Variants in ZNF365 observed in about 807,000 individuals in gnomAD.
ZNF365 encodes the protein zinc finger protein 365.
Under a neutral mutation model 35.0 loss-of-function variants are expected in ZNF365, and 22 were observed. That is an observed-to-expected ratio of 0.63 (90% CI 0.45 to 0.90). The LOEUF is 0.90. ZNF365 is among the 40% of genes least tolerant of loss of function. The probability of loss-of-function intolerance (pLI) is 0.00; values close to 1 mark genes in which losing one functional copy is unlikely to be tolerated. For missense variants in ZNF365, 448 were observed against 500.3 expected (o/e 0.90, Z 1.00); for synonymous variants, 188 against 196.2 (o/e 0.96, Z 0.35).
At chr10:62,423,215 TA>T (rs5785526) in intron 3 of ZNF365, among the ~76,000 whole-genome samples, 7 of 150,016 alleles carry the variant, frequency 4.7e-5, no homozygotes, top group African/African-American at 9.8e-5. Flanking sequence ...AATAGAAACT[TA>T]AAAAAAAAAC....
intron 3 of ZNF365, among the ~76,000 whole-genome samples, chr10:62,408,230 A>G (rs973285571): frequency 6.6e-6 from 1 of 152,108 alleles, no homozygotes; most frequent in African/African-American, 2.4e-5. Flanking sequence ...CTCTCCCCTA[A>G]TAACTTTCTA....
chr10:62,438,709 T>C (rs1840447363), intron 3 of ZNF365, among the ~76,000 whole-genome samples: 2 of 152,208 alleles, frequency 1.3e-5, no homozygotes, highest in South Asian at 4.1e-4. Context: ...AGAGGCACAC[T>C]GTGCCTTACT....
chr10:62,383,741 G>A (rs1839478573), intron 2 of ZNF365, among the ~76,000 whole-genome samples: 1 of 152,182 alleles, frequency 6.6e-6, no homozygotes, highest in African/African-American at 2.4e-5. Context: ...GAATTAACCT[G>A]TCTTTAACCC....
intron 3 of ZNF365, among the ~76,000 whole-genome samples, chr10:62,457,633 G>A (rs1224516091): frequency 1.3e-5 from 2 of 152,214 alleles, no homozygotes; most frequent in East Asian, 3.8e-4. Flanking sequence ...GTGTTAGATA[G>A]TATCCTTTGA....
At chr10:62,431,222 C>A (rs1427490166) in intron 3 of ZNF365, among the ~76,000 whole-genome samples, 2 of 152,210 alleles carry the variant, frequency 1.3e-5, no homozygotes, top group African/African-American at 4.8e-5. Context: ...TTTCTCCCCC[C>A]TGCTCTTTCT....
At chr10:62,405,366 T>C (rs1199746027), downstream of ZNF365, among the ~76,000 whole-genome samples, 1 of 152,148 alleles carries the variant, frequency 6.6e-6, no homozygotes, top group African/African-American at 2.4e-5. Context: ...CATTTTGCAA[T>C]GAGAGGGGGG....
chr10:62,398,183 A>G (rs1043534269), intron 3 of ZNF365, among the ~76,000 whole-genome samples: 1 of 152,230 alleles, frequency 6.6e-6, no homozygotes, highest in African/African-American at 2.4e-5. Context: ...AACTGCAAAA[A>G]TATGGAATCA....
intron 4 of ZNF365, among the ~76,000 whole-genome samples, chr10:62,472,805 A>G (rs758085704): frequency 6.6e-6 from 1 of 152,236 alleles, no homozygotes; most frequent in Non-Finnish European, 1.5e-5. Context: ...GAAGAAATTT[A>G]TCACACTTTT....
rs527903653 is a variant in ZNF365, at chr10:62,377,944, G to C, written c.743+1008G>C. On this transcript the variant is annotated intron_variant, in intron 2 of 4. Transcript: ENST00000395254. The stretch of plus-strand genomic sequence containing the variant: ...TCTATTTTGTGTTGTCTCTTAAAAT[G>C]TAATAATTAGAACTTCCTGAGACAC... Among the ~76,000 whole-genome samples, 19 of 152,318 alleles carry C rather than the reference G, an allele frequency of 1.2e-4. No individual in the cohort carries two copies. The South Asian group carries it at 2.9e-3, about 23-fold the overall frequency.
intron 4 of ZNF365, among the ~76,000 whole-genome samples, chr10:62,474,350 GT>G (rs1841093324): frequency 6.6e-6 from 1 of 152,202 alleles, no homozygotes; most frequent in African/African-American, 2.4e-5. Flanking sequence ...TCTGGATGGA[GT>G]TGCTGAAATT....
At chr10:62,473,161 T>C (rs1364058665) in intron 4 of ZNF365, among the ~76,000 whole-genome samples, 2 of 152,246 alleles carry the variant, frequency 1.3e-5, no homozygotes, top group Admixed American at 1.3e-4. Context: ...GGCAGATGGA[T>C]GCATAAAATT....
At position 62,468,207 on chromosome 10, in the gene ZNF365, C is replaced by T. The variant is rs145255908; in HGVS notation, c.981+8410C>T. On this transcript the variant is annotated intron_variant, in intron 4 of 4. Coordinates refer to the ZNF365 transcript ENST00000395255. ...AAAAGCACAAAGAAAAAATATCCACCACCTTAGTATACAGTCATATACTAT... is the reference window on the plus strand; with the variant it reads ...AAAAGCACAAAGAAAAAATATCCACTACCTTAGTATACAGTCATATACTAT... Among the ~76,000 whole-genome samples, 456 of 152,114 alleles carry T rather than the reference C, an allele frequency of 3.0e-3. 1 individual carries two copies. The highest frequency in any genetic ancestry group is 0.011 in the African/African-American group (437 of 41,500).
chr10:62,400,883 A>G lies in ZNF365; in HGVS notation c.*1094A>G. 2.0e-6 allele frequency: 2 copies of G among 985,520 alleles called. No homozygotes were observed. Among genetic ancestry groups the G allele is most frequent in the Non-Finnish European group, 2.4e-6 (2 of 829,930 alleles). 61.0% of individuals were successfully genotyped at this position (985,520 alleles called of 1,614,324 possible). On this transcript the variant is annotated 3_prime_UTR_variant, in exon 5 of 5. Transcript: ENST00000395254. ...GTGTTCACTCTATGTTGCATTCTAA[A>G]GTAATTTCTGAAATAAACAATGCAT...
rs935967552 is a variant in ZNF365 at position 62,478,882 on chromosome 10, C to T, written c.982-994C>T. On this transcript the variant is annotated intron_variant, in intron 4 of 4. Transcript: ENST00000395255. The stretch of plus-strand genomic sequence containing the variant: ...AGCCACCATGCCCTGCCACAAGTGT[C>T]GTTTTTTAAGTCTTAAACAATGTTT... 8.5e-5 allele frequency among the ~76,000 whole-genome samples: 13 copies of T among 152,294 alleles called. No homozygotes were observed. The East Asian group carries it at 1.4e-3, about 16-fold the overall frequency.
intron 3 of ZNF365, among the ~76,000 whole-genome samples, chr10:62,434,373 C>A (rs1333432631): frequency 6.6e-6 from 1 of 151,944 alleles, no homozygotes; most frequent in African/African-American, 2.4e-5. Flanking sequence ...TAATGTGCAA[C>A]TTTATCACAA....
At chr10:62,446,778 G>A (rs1479206511) in intron 3 of ZNF365, among the ~76,000 whole-genome samples, 1 of 152,110 alleles carries the variant, frequency 6.6e-6, no homozygotes, top group East Asian at 1.9e-4. Context: ...GAAACGGCTG[G>A]CTGGTCCTGA....
At chr10:62,421,563 G>A (rs1360783026) in intron 3 of ZNF365, among the ~76,000 whole-genome samples, 2 of 152,158 alleles carry the variant, frequency 1.3e-5, no homozygotes, top group Non-Finnish European at 2.9e-5. Flanking sequence ...ATCCCTGAAA[G>A]CATGGTTGAA....
chr10:62,408,466 T>C (rs930816710), intron 3 of ZNF365, among the ~76,000 whole-genome samples: 2 of 152,176 alleles, frequency 1.3e-5, no homozygotes, highest in Non-Finnish European at 2.9e-5. Context: ...ACTAGTTTTA[T>C]TATCTTGAGC....
chr10:62,414,381 AT>A (rs1840040486), intron 3 of ZNF365, among the ~76,000 whole-genome samples: 1 of 147,442 alleles, frequency 6.8e-6, no homozygotes, highest in African/African-American at 2.5e-5. Context: ...TTTTTTTTTA[AT>A]TTTGTTTTAA....
Sources: allele counts gnomAD v4.1 joint callset (sites outside exome capture counted in the v4.1 genomes callset), GRCh38; gene constraint gnomAD v4.1.1; transcripts MANE v1.5; gene names NCBI Gene and HGNC (gene_info 2026-07-23, HGNC 2026-07-21).